Variants in SLC25A21 observed in about 807,000 individuals in gnomAD.
SLC25A21 encodes mitochondrial 2-oxodicarboxylate carrier.
Under a neutral mutation model 43.8 loss-of-function variants are expected in SLC25A21, and 47 were observed. That is an observed-to-expected ratio of 1.07 (90% CI 0.85 to 1.37). The LOEUF (loss-of-function observed/expected upper bound fraction) is 1.37, where lower values mean the gene tolerates loss of function less well. Ranked by LOEUF, SLC25A21 falls within the 40% of genes most tolerant of loss-of-function variation. The probability of loss-of-function intolerance (pLI) is 0.00; values close to 1 mark genes in which losing one functional copy is unlikely to be tolerated. For missense variants in SLC25A21, 352 were observed against 350.2 expected, an observed-to-expected ratio of 1.00 and a Z score of -0.04; for synonymous variants, 131 against 121.3, an observed-to-expected ratio of 1.08 and a Z score of -0.52.
chr14:36,796,386 T>C (rs1299915171), intron 3 of SLC25A21, among the ~76,000 whole-genome samples: 1 of 101,496 alleles, frequency 9.9e-6, no homozygotes, highest in Non-Finnish European at 2.2e-5. Context: ...TCTCTCTTTC[T>C]CTTTCTTTCT....
chr14:37,104,654 C>T (rs1962878914), intron 1 of SLC25A21, among the ~76,000 whole-genome samples: 1 of 152,110 alleles, frequency 6.6e-6, no homozygotes, highest in South Asian at 2.1e-4. Context: ...ATTGAATGTG[C>T]ACACAAAACA....
intron 1 of SLC25A21, among the ~76,000 whole-genome samples, chr14:37,117,864 G>T (rs577731217): frequency 1.3e-3 from 22 of 17,116 alleles, no homozygotes; most frequent in East Asian, 0.083. Context: ...GTTTTTTTTT[G>T]TTTGTTTTTT....
chr14:37,032,489 T>C (rs986748140), intron 1 of SLC25A21, among the ~76,000 whole-genome samples: 4 of 152,026 alleles, frequency 2.6e-5, no homozygotes, highest in African/African-American at 7.2e-5. Context: ...TGAGCGGAGA[T>C]TGTGCCACTG....
At chr14:37,014,213 A>C (rs1456199096) in intron 1 of SLC25A21, among the ~76,000 whole-genome samples, 1 of 152,052 alleles carries the variant, frequency 6.6e-6, no homozygotes, top group Non-Finnish European at 1.5e-5. Flanking sequence ...CCTTTCACAA[A>C]AGATTTTTCT....
At position 36,978,862 on chromosome 14, in the gene SLC25A21, G is replaced by A. The variant is rs556142425; in HGVS notation, c.71-103858C>T. On this transcript the variant is annotated intron_variant, in intron 1 of 9. Coordinates refer to ENST00000331299, the MANE Select transcript of SLC25A21 (RefSeq NM_030631.4). Reference sequence around the variant, plus strand: ...TTGCTAGGAGTGCTAATATCAACCCGCTGTTCTAAGTCTTCAAAAAAAGTT... The same window carrying A: ...TTGCTAGGAGTGCTAATATCAACCCACTGTTCTAAGTCTTCAAAAAAAGTT... Among the ~76,000 whole-genome samples, 6 of 152,172 alleles carry A rather than the reference G, an allele frequency of 3.9e-5. No individual in the cohort carries two copies. The South Asian group carries it at 6.2e-4, about 16-fold the overall frequency.
intron 1 of SLC25A21, among the ~76,000 whole-genome samples, chr14:36,999,287 C>T (rs1209195784): frequency 9.2e-5 from 14 of 152,046 alleles, no homozygotes; most frequent in Admixed American, 9.2e-4. Flanking sequence ...GAAAAGGTTA[C>T]ATAAATACAT....
At chr14:37,128,896 T>G (rs957800563) in intron 1 of SLC25A21, among the ~76,000 whole-genome samples, 12 of 152,196 alleles carry the variant, frequency 7.9e-5, no homozygotes, top group Non-Finnish European at 1.6e-4. Flanking sequence ...CCCTGCATTA[T>G]GATTTCTTGG....
intron 7 of SLC25A21, among the ~76,000 whole-genome samples, chr14:36,702,475 C>CAAAAAAAAAAAAAA (rs1213350246): frequency 3.8e-4 from 25 of 65,964 alleles, no homozygotes; most frequent in South Asian, 7.7e-4. Flanking sequence ...CCTGTCTCCA[C>CAAAAAAAAAAAAAA]AAAAAAAAAA....
At chr14:37,167,888 C>T (rs1424578470) in intron 1 of SLC25A21, among the ~76,000 whole-genome samples, 1 of 151,920 alleles carries the variant, frequency 6.6e-6, no homozygotes, top group East Asian at 1.9e-4. Context: ...GACTCTCTAG[C>T]TGCACCGCTC....
chr14:36,964,369 A>T (rs1177814073), intron 1 of SLC25A21, among the ~76,000 whole-genome samples: 1 of 152,232 alleles, frequency 6.6e-6, no homozygotes, highest in African/African-American at 2.4e-5. Context: ...TTAATTTAAT[A>T]TGGGTCTACA....
chr14:36,909,634 G>A (rs1238599780), intron 1 of SLC25A21, among the ~76,000 whole-genome samples: 1 of 152,172 alleles, frequency 6.6e-6, no homozygotes, highest in Non-Finnish European at 1.5e-5. Flanking sequence ...AGGACATAAT[G>A]TCAGATAAAG....
chr14:37,160,581 AG>A (rs1371286571), intron 1 of SLC25A21, among the ~76,000 whole-genome samples: 4 of 152,088 alleles, frequency 2.6e-5, no homozygotes, highest in Non-Finnish European at 5.9e-5. Flanking sequence ...GAGAGGCAGG[AG>A]GGCAAGGATA....
chr14:37,067,018 T>C (rs1257657217), intron 1 of SLC25A21, among the ~76,000 whole-genome samples: 1 of 152,036 alleles, frequency 6.6e-6, no homozygotes, highest in Non-Finnish European at 1.5e-5. Flanking sequence ...TTATCCAGAA[T>C]ACAGTACAGT....
At chr14:37,042,079 A>G (rs1961485735) in intron 1 of SLC25A21, among the ~76,000 whole-genome samples, 1 of 152,208 alleles carries the variant, frequency 6.6e-6, no homozygotes, top group Admixed American at 6.5e-5. Context: ...TCTCTCTCCC[A>G]TAATACATTA....
intron 6 of SLC25A21, among the ~76,000 whole-genome samples, chr14:36,715,482 A>C (rs187127176): frequency 6.6e-6 from 1 of 152,200 alleles, no homozygotes; most frequent in Non-Finnish European, 1.5e-5. Context: ...TTCCAATACT[A>C]TCTAATCCAG....
chr14:36,906,650 C>T (rs1480787822), intron 1 of SLC25A21, among the ~76,000 whole-genome samples: 1 of 151,920 alleles, frequency 6.6e-6, no homozygotes, highest in African/African-American at 2.4e-5. Context: ...GGATTACAGA[C>T]ATGCGCCACC....
chr14:36,950,880 C>A (rs1892793368), intron 1 of SLC25A21, among the ~76,000 whole-genome samples: 3 of 152,172 alleles, frequency 2.0e-5, no homozygotes, highest in Non-Finnish European at 2.9e-5. Context: ...GCCAGCTGGA[C>A]CTCTTACCTC....
chr14:36,977,754 A>G (rs1361540799), intron 1 of SLC25A21, among the ~76,000 whole-genome samples: 1 of 152,188 alleles, frequency 6.6e-6, no homozygotes, highest in African/African-American at 2.4e-5. Context: ...GAAAGAAGTA[A>G]TGTATTACTT....
rs201299512 is a variant in SLC25A21 at position 36,684,906 on chromosome 14, C to T, written c.623G>A (p.Trp208Ter). The change falls in exon 8 of 10, where the codon TGG becomes TAG. Residue 208 changes from tryptophan (W) to a stop codon, truncating the protein, a stop_gained. Coordinates refer to ENST00000331299, the MANE Select transcript of SLC25A21 (RefSeq NM_030631.4). LOFTEE classifies it high-confidence loss of function. ...PVNKDPILEF[W>*]RKFGIGLLSG... The stretch of plus-strand genomic sequence containing the variant: ...GAGAAGACCAATCCCAAATTTTCTC[C>T]AAAACTCCAAGATTGGATCCTAAAA... The T allele has an allele frequency of 9.1e-5, 146 of 1,609,440 alleles. No homozygotes were observed. The East Asian group carries it at 2.6e-3, about 29-fold the overall frequency.
Sources: gnomAD v4.1 joint callset for allele counts (sites outside exome capture counted in the v4.1 genomes callset) on GRCh38, gnomAD v4.1.1 for gene constraint, MANE v1.5 for transcripts, NCBI Gene and HGNC (gene_info 2026-07-23, HGNC 2026-07-21) for gene names.